The following PPM1L variants were observed in gnomAD, a reference collection of about 807,000 sequenced individuals.
PPM1L encodes protein phosphatase, Mg2+/Mn2+ dependent 1L.
PPM1L carries 13 observed loss-of-function variants against 31.4 expected under a neutral mutation model. The ratio of observed to expected loss-of-function variants is 0.41; its 90% CI spans 0.27 to 0.66. The LOEUF (loss-of-function observed/expected upper bound fraction) is 0.66, where lower values mean the gene tolerates loss of function less well. PPM1L is among the 30% of genes least tolerant of loss of function. The probability of loss-of-function intolerance (pLI) is 0.29; values close to 1 mark genes in which losing one functional copy is unlikely to be tolerated. For missense variants in PPM1L, 326 were observed against 453.7 expected, an observed-to-expected ratio of 0.72 and a Z score of 2.56; for synonymous variants, 184 against 175.4, an observed-to-expected ratio of 1.05 and a Z score of -0.39.
intron 1 of PPM1L, among the ~76,000 whole-genome samples, chr3:160,911,290 G>A (rs1233546881): frequency 6.6e-6 from 1 of 152,216 alleles, no homozygotes; most frequent in Non-Finnish European, 1.5e-5. Context: ...ATGAGATTGA[G>A]GGTGAGGTTG....
At chr3:160,838,410 T>A (rs1713779196) in intron 1 of PPM1L, among the ~76,000 whole-genome samples, 1 of 152,244 alleles carries the variant, frequency 6.6e-6, no homozygotes, top group East Asian at 1.9e-4. Context: ...GAGGTGATGG[T>A]GGGCACCCAA....
Position 160,990,198 on chromosome 3 carries a change from C to T in PPM1L, c.574+28288C>T, listed in dbSNP as rs148562473. On this transcript the variant is annotated intron_variant, in intron 2 of 3. Transcript: ENST00000498165. ...TTGTTTTTTGTAAAGACAGGAGTCT[C>T]ATCACATTGCCCAGGCTGGTCTCAA... Among the ~76,000 whole-genome samples, 1,190 of 151,872 alleles carry T rather than the reference C, an allele frequency of 7.8e-3. 3 individuals carry two copies. Among genetic ancestry groups the T allele is most frequent in the Non-Finnish European group, 0.01 (684 of 67,934 alleles).
rs1338742905 is a variant in PPM1L, at chr3:161,047,667, T to C, written c.575-17736T>C. On this transcript the variant is annotated intron_variant, in intron 2 of 3. Transcript: ENST00000498165. Reference sequence around the variant, plus strand: ...CAAAAGAACAAAGCTGGAGGCATCATGCTACCTGACTTCAAACTATACTAC... The same window carrying C: ...CAAAAGAACAAAGCTGGAGGCATCACGCTACCTGACTTCAAACTATACTAC... 5.3e-5 allele frequency among the ~76,000 whole-genome samples: 8 copies of C among 152,284 alleles called. No homozygotes were observed. In the East Asian group the frequency reaches 7.7e-4, roughly 15 times the overall value.
At chr3:160,986,286 A>G (rs1716962148) in intron 2 of PPM1L, among the ~76,000 whole-genome samples, 1 of 152,172 alleles carries the variant, frequency 6.6e-6, no homozygotes, top group Non-Finnish European at 1.5e-5. Context: ...GAATGAAGGA[A>G]GGGAACAGAT....
chr3:160,918,025 G>A (rs933051201), intron 1 of PPM1L, among the ~76,000 whole-genome samples: 2 of 152,144 alleles, frequency 1.3e-5, no homozygotes, highest in African/African-American at 4.8e-5. Flanking sequence ...CCTCTCCCCA[G>A]CTGCACATGC....
At chr3:160,860,710 A>C (rs1005731799) in intron 1 of PPM1L, among the ~76,000 whole-genome samples, 1 of 152,156 alleles carries the variant, frequency 6.6e-6, no homozygotes, top group Non-Finnish European at 1.5e-5. Flanking sequence ...ACAGACATTT[A>C]TTTCTCACAG....
rs184241992 is a variant in PPM1L at position 160,795,133 on chromosome 3, C to T, written c.399+38426C>T. 3.5e-3 allele frequency among the ~76,000 whole-genome samples: 533 copies of T among 152,218 alleles called. 6 individuals carry two copies. Among genetic ancestry groups the T allele is most frequent in the African/African-American group, 0.012 (505 of 41,536 alleles). ...TGGGAAAGATGAAAATGGGAAAGTG[C>T]CACATACATAGCAGATTGTATAATA... is the stretch of plus-strand genomic sequence containing the variant. On this transcript the variant is annotated intron_variant, in intron 1 of 3. Coordinates refer to ENST00000498165, the MANE Select transcript of PPM1L (RefSeq NM_139245.4).
At chr3:160,949,787 C>T (rs149096796) in intron 1 of PPM1L, among the ~76,000 whole-genome samples, 65 of 152,246 alleles carry the variant, frequency 4.3e-4, no homozygotes, top group Non-Finnish European at 7.9e-4. Context: ...AGAGCTGTAA[C>T]GGAGATCTGA....
At chr3:161,024,496 C>T (rs182359711) in intron 2 of PPM1L, among the ~76,000 whole-genome samples, 4,013 of 151,886 alleles carry the variant, frequency 0.026, 82 homozygotes, top group South Asian at 0.062. Flanking sequence ...GTCGGGAGTT[C>T]GAGACCAGCC....
At chr3:160,887,374 T>C (rs895383841) in intron 1 of PPM1L, among the ~76,000 whole-genome samples, 3 of 151,260 alleles carry the variant, frequency 2.0e-5, no homozygotes, top group Admixed American at 1.3e-4. Flanking sequence ...ACTAAGATAC[T>C]CCAGAGAACA....
chr3:160,989,389 T>A (rs567026029), intron 2 of PPM1L, among the ~76,000 whole-genome samples: 3 of 151,698 alleles, frequency 2.0e-5, no homozygotes, highest in African/African-American at 7.2e-5. Context: ...TTATTTATTA[T>A]TTATTATTAT....
chr3:160,808,648 C>T (rs1158385334), intron 1 of PPM1L, among the ~76,000 whole-genome samples: 1 of 152,118 alleles, frequency 6.6e-6, no homozygotes, highest in Non-Finnish European at 1.5e-5. Context: ...CTCTGCCCAG[C>T]CTGGCTGTCA....
chr3:160,765,353 G>C (rs954531391), intron 1 of PPM1L, among the ~76,000 whole-genome samples: 1 of 152,204 alleles, frequency 6.6e-6, no homozygotes, highest in Non-Finnish European at 1.5e-5. Context: ...TGATAACATT[G>C]TTATGTGGAC....
At chr3:160,880,630 A>G (rs367766574) in intron 1 of PPM1L, among the ~76,000 whole-genome samples, 1 of 56,434 alleles carries the variant, frequency 1.8e-5, no homozygotes, top group African/African-American at 3.4e-5. Context: ...TTCTGTGGTT[A>G]AAAAAAAAAA....
At chr3:160,826,417 G>A (rs1238223175) in intron 1 of PPM1L, among the ~76,000 whole-genome samples, 1 of 152,076 alleles carries the variant, frequency 6.6e-6, no homozygotes. Flanking sequence ...CATACTTAGA[G>A]GCCATTAGAG....
At chr3:160,976,593 TTAGTCTTGGGA>T (rs1716586340) in intron 2 of PPM1L, among the ~76,000 whole-genome samples, 1 of 151,834 alleles carries the variant, frequency 6.6e-6, no homozygotes, top group South Asian at 2.1e-4. Context: ...TCTTCCTGGT[TTAGTCTTGGGA>T]GAGTGTATGT....
chr3:160,907,001 A>G (rs764088386), intron 1 of PPM1L, among the ~76,000 whole-genome samples: 1 of 152,192 alleles, frequency 6.6e-6, no homozygotes, highest in Non-Finnish European at 1.5e-5. Context: ...TCCATGCTTT[A>G]TTTGTTAGAG....
intron 1 of PPM1L, among the ~76,000 whole-genome samples, chr3:160,809,595 A>G (rs544563606): frequency 9.9e-5 from 15 of 152,174 alleles, no homozygotes; most frequent in African/African-American, 3.1e-4. Flanking sequence ...CTTCACTTTG[A>G]TAGCAGTGGG....
At chr3:160,906,197 G>A (rs556737154) in intron 1 of PPM1L, among the ~76,000 whole-genome samples, 22 of 152,180 alleles carry the variant, frequency 1.4e-4, no homozygotes, top group African/African-American at 4.8e-4. Context: ...AAAAAACAAG[G>A]TGAGGTGTCT....
Sources: gnomAD v4.1 joint callset for allele counts (sites outside exome capture counted in the v4.1 genomes callset) on GRCh38, gnomAD v4.1.1 for gene constraint, MANE v1.5 for transcripts, NCBI Gene and HGNC (gene_info 2026-07-23, HGNC 2026-07-21) for gene names.